Variants in GALNTL6 observed in about 807,000 individuals in gnomAD.
GALNTL6 encodes the protein polypeptide N-acetylgalactosaminyltransferase like 6.
A neutral mutation model predicts 73.7 loss-of-function variants in GALNTL6; 46 were observed. The observed-to-expected ratio is 0.62, with a 90% CI of 0.49 to 0.80. GALNTL6 has a LOEUF of 0.80. Ranked by LOEUF, GALNTL6 falls within the 30% of genes least tolerant of loss-of-function variation. The probability of loss-of-function intolerance (pLI) is 0.00; values close to 1 mark genes in which losing one functional copy is unlikely to be tolerated. For missense variants in GALNTL6, 604 were observed against 755.0 expected (o/e 0.80, Z 2.34); for synonymous variants, 259 against 263.7 (o/e 0.98, Z 0.17).
chr4:172,823,432 C>A (rs998935205), intron 7 of GALNTL6, among the ~76,000 whole-genome samples: 2 of 152,212 alleles, frequency 1.3e-5, no homozygotes, highest in Non-Finnish European at 2.9e-5. Flanking sequence ...AGTGCTGTGT[C>A]ACTAGCATCT....
chr4:172,163,932 CAT>C (rs1335987748), intron 2 of GALNTL6, among the ~76,000 whole-genome samples: 1 of 151,838 alleles, frequency 6.6e-6, no homozygotes, highest in Non-Finnish European at 1.5e-5. Flanking sequence ...ACAAAAATCA[CAT>C]ATATATGCCT....
chr4:172,716,211 A>C (rs1433690681), intron 5 of GALNTL6, among the ~76,000 whole-genome samples: 1 of 152,176 alleles, frequency 6.6e-6, no homozygotes, highest in African/African-American at 2.4e-5. Context: ...CATCCTAGAC[A>C]GAAAAACCCA....
intron 4 of GALNTL6, among the ~76,000 whole-genome samples, chr4:172,334,776 G>A (rs572213648): frequency 6.6e-6 from 1 of 152,224 alleles, no homozygotes; most frequent in African/African-American, 2.4e-5. Flanking sequence ...AAGGAATGGT[G>A]AGAATGGCCA....
chr4:172,789,763 A>G (rs541362195), intron 5 of GALNTL6, among the ~76,000 whole-genome samples: 2 of 152,218 alleles, frequency 1.3e-5, no homozygotes, highest in Non-Finnish European at 2.9e-5. Context: ...GAAGGACTTT[A>G]GAACCAGAAT....
rs112313060 is a variant in GALNTL6 at position 172,478,786 on chromosome 4, A to G, written c.553+130097A>G. Among the ~76,000 whole-genome samples the G allele has an allele frequency of 8.4e-3, 1,277 of 152,350 alleles. 11 individuals are homozygous for G. Among genetic ancestry groups the G allele is most frequent in the African/African-American group, 0.029 (1,208 of 41,578 alleles). On this transcript the variant is annotated intron_variant, in intron 5 of 12. Coordinates refer to ENST00000506823, the MANE Select transcript of GALNTL6 (RefSeq NM_001034845.3). ...AAAAGACTAATATCCAGAACCTATA[A>G]GGAACTCAAACAAATCAGCAACAAT...
At chr4:172,486,889 C>G (rs1487643958) in intron 5 of GALNTL6, among the ~76,000 whole-genome samples, 1 of 152,140 alleles carries the variant, frequency 6.6e-6, no homozygotes, top group Non-Finnish European at 1.5e-5. Flanking sequence ...AAACAAAATA[C>G]CTCAATACAG....
chr4:172,346,494 C>G (rs908282514), intron 4 of GALNTL6, among the ~76,000 whole-genome samples: 1 of 152,184 alleles, frequency 6.6e-6, no homozygotes, highest in African/African-American at 2.4e-5. Flanking sequence ...TGAACCTGTC[C>G]TCTGCAGGCC....
At chr4:172,651,437 A>AT (rs1740472089) in intron 5 of GALNTL6, among the ~76,000 whole-genome samples, 1 of 152,116 alleles carries the variant, frequency 6.6e-6, no homozygotes, top group African/African-American at 2.4e-5. Context: ...TTTTGCTCTG[A>AT]TTTTTTCACT....
chr4:172,438,851 A>G (rs1731730508), intron 5 of GALNTL6, among the ~76,000 whole-genome samples: 1 of 151,996 alleles, frequency 6.6e-6, no homozygotes. Context: ...ACCTTGCTTG[A>G]TAATTCTCTG....
At chr4:172,274,644 A>G (rs1334512347) in intron 3 of GALNTL6, among the ~76,000 whole-genome samples, 2 of 152,200 alleles carry the variant, frequency 1.3e-5, no homozygotes, top group East Asian at 3.9e-4. Flanking sequence ...TGTGGCCGAG[A>G]TGGCCTTGCT....
At chr4:172,517,107 C>T (rs1167142792) in intron 5 of GALNTL6, among the ~76,000 whole-genome samples, 2 of 151,922 alleles carry the variant, frequency 1.3e-5, no homozygotes, top group Admixed American at 6.6e-5. Context: ...GGAGATTGCA[C>T]AACCATGTGA....
intron 10 of GALNTL6, among the ~76,000 whole-genome samples, chr4:172,986,353 G>C (rs188829334): frequency 2.6e-5 from 4 of 152,338 alleles, no homozygotes; most frequent in Admixed American, 2.0e-4. Flanking sequence ...TTTTAGCACA[G>C]CACTTCAGTG....
chr4:172,391,977 A>C (rs1743677629), intron 5 of GALNTL6, among the ~76,000 whole-genome samples: 1 of 152,098 alleles, frequency 6.6e-6, no homozygotes, highest in African/African-American at 2.4e-5. Flanking sequence ...TTTTTAACTC[A>C]AAAAATTTTA....
intron 5 of GALNTL6, among the ~76,000 whole-genome samples, chr4:172,781,767 A>T (rs1739380912): frequency 6.6e-6 from 1 of 152,028 alleles, no homozygotes; most frequent in Non-Finnish European, 1.5e-5. Flanking sequence ...GCCTTTAGAG[A>T]GGGAAACTGA....
At chr4:172,453,728 T>C (rs1214890282) in intron 5 of GALNTL6, among the ~76,000 whole-genome samples, 1 of 152,246 alleles carries the variant, frequency 6.6e-6, no homozygotes, top group Non-Finnish European at 1.5e-5. Flanking sequence ...AGTTAAGGAC[T>C]TAATAAAATG....
chr4:171,813,632 T>C lies in GALNTL6; in HGVS notation c.-528T>C, dbSNP rs1431804333. 4 of 152,350 alleles carry C rather than the reference T, an allele frequency of 2.6e-5. No homozygotes were observed. Among genetic ancestry groups the C allele is most frequent in the African/African-American group, 9.6e-5 (4 of 41,454 alleles). 9.4% of individuals were successfully genotyped at this position (152,350 alleles called of 1,614,324 possible). ...GTGATGGTCCTGTGGGTTCGTTCAG[T>C]TGCCAGAAAAGAATGGTAACATGAA... is the stretch of plus-strand genomic sequence containing the variant. On this transcript the variant is annotated 5_prime_UTR_variant, in exon 1 of 13. Coordinates refer to ENST00000506823, the MANE Select transcript of GALNTL6 (RefSeq NM_001034845.3). This position sits in a 1 kb window ranked among gnomAD's most constrained non-coding sequence, Gnocchi z 5.2.
At chr4:172,801,688 A>C (rs1242425250) in intron 5 of GALNTL6, among the ~76,000 whole-genome samples, 1 of 152,136 alleles carries the variant, frequency 6.6e-6, no homozygotes, top group Non-Finnish European at 1.5e-5. Context: ...CTAGATGAAG[A>C]CTTGGTGTTT....
chr4:172,890,349 G>A (rs187352261), intron 8 of GALNTL6, among the ~76,000 whole-genome samples: 2 of 152,094 alleles, frequency 1.3e-5, no homozygotes, highest in African/African-American at 4.8e-5. Context: ...ATGTTAGATT[G>A]TTAATTTAAT....
rs1252888905 is a variant in GALNTL6, at chr4:172,078,161, T to C, written c.139-151495T>C. Among the ~76,000 whole-genome samples, 4 of 152,280 alleles carry C rather than the reference T, an allele frequency of 2.6e-5. No individual in the cohort carries two copies. The East Asian group carries it at 5.8e-4, about 22-fold the overall frequency. ...GTCTGCTTCAAGAGTGGAGCCCTCA[T>C]GGAGAACCTCTACTAGGGCAGTGCA... On this transcript the variant is annotated intron_variant, in intron 2 of 12. Coordinates refer to ENST00000506823, the MANE Select transcript of GALNTL6 (RefSeq NM_001034845.3).
Sources: gnomAD v4.1 joint callset for allele counts (sites outside exome capture counted in the v4.1 genomes callset) on GRCh38, gnomAD v4.1.1 for gene constraint, Gnocchi (gnomAD v3.1) non-coding constraint, MANE v1.5 for transcripts, NCBI Gene and HGNC (gene_info 2026-07-23, HGNC 2026-07-21) for gene names.